ZNF536: variants seen among roughly 807,000 people sequenced by gnomAD.
ZNF536 encodes the protein zinc finger protein 536.
In ZNF536, 13 loss-of-function variants were observed where a neutral mutation model predicts 84.5. The observed-to-expected ratio is 0.15, with a 90% CI of 0.10 to 0.24. ZNF536 has a LOEUF of 0.24. Ranked by LOEUF, ZNF536 falls within the 10% of genes least tolerant of loss-of-function variation. The probability of loss-of-function intolerance (pLI) is 1.00; values close to 1 mark genes in which losing one functional copy is unlikely to be tolerated. For synonymous variants in ZNF536, 811 were observed against 742.5 expected (o/e 1.09, Z -1.50); for missense variants, 1,536 against 1,747.5 (o/e 0.88, Z 2.16).
At chr19:30,648,684 G>T (rs978341390) in intron 1 of ZNF536, among the ~76,000 whole-genome samples, 4 of 152,182 alleles carry the variant, frequency 2.6e-5, no homozygotes, top group African/African-American at 4.8e-5. Flanking sequence ...ATAGAAGTGC[G>T]TGAAATTTGC....
chr19:30,371,366 T>A (rs779686889), upstream of ZNF536, among the ~76,000 whole-genome samples: 2 of 152,150 alleles, frequency 1.3e-5, no homozygotes, highest in Non-Finnish European at 2.9e-5. Context: ...GTATGTTAAT[T>A]AGCATTCTGT....
At chr19:30,408,228 T>C (rs1029744140) in intron 1 of ZNF536, among the ~76,000 whole-genome samples, 1 of 152,234 alleles carries the variant, frequency 6.6e-6, no homozygotes, top group South Asian at 2.1e-4. Flanking sequence ...CAGGCCATTA[T>C]AGACCATGGG....
intron 1 of ZNF536, among the ~76,000 whole-genome samples, chr19:30,619,443 A>G (rs891320652): frequency 3.3e-5 from 5 of 152,184 alleles, no homozygotes; most frequent in African/African-American, 1.2e-4. Flanking sequence ...CAGCAGACCA[A>G]GGTCCTCAAA....
intron 2 of ZNF536, among the ~76,000 whole-genome samples, chr19:30,326,476 C>T (rs780303827): frequency 5.9e-5 from 9 of 152,162 alleles, no homozygotes; most frequent in Non-Finnish European, 1.0e-4. Flanking sequence ...AACAAGTGTC[C>T]TCCAGGCAGC....
intron 2 of ZNF536, among the ~76,000 whole-genome samples, chr19:30,505,552 C>T (rs2055141404): frequency 6.6e-6 from 1 of 151,054 alleles, no homozygotes; most frequent in African/African-American, 2.4e-5. Context: ...TTCACTGAGA[C>T]TCAGTTTATA....
intron 1 of ZNF536, among the ~76,000 whole-genome samples, chr19:30,406,934 TC>T (rs2050283955): frequency 6.6e-6 from 1 of 152,328 alleles, no homozygotes; most frequent in Non-Finnish European, 1.5e-5. Flanking sequence ...ACAGAGGGCA[TC>T]CCCAACCTCT....
At chr19:30,302,690 A>G (rs556335904) in intron 2 of ZNF536, among the ~76,000 whole-genome samples, 23 of 151,756 alleles carry the variant, frequency 1.5e-4, no homozygotes, top group South Asian at 4.2e-4. Flanking sequence ...GGTCTCACGG[A>G]CTCCAGACAC....
At position 30,694,282 on chromosome 19, in the gene ZNF536, G is replaced by A. The variant is rs190669472; in HGVS notation, c.170-16475G>A. Among the ~76,000 whole-genome samples, 114 of 152,284 alleles carry A rather than the reference G, an allele frequency of 7.5e-4. 3 individuals are homozygous for A. The South Asian group carries it at 0.021, about 28-fold the overall frequency. On this transcript the variant is annotated intron_variant, in intron 1 of 1. Coordinates refer to the ZNF536 transcript ENST00000592773. The stretch of plus-strand genomic sequence containing the variant: ...AAGGGCTGATGTGTTCATTTTAAGC[G>A]ACACAATGGAAAACAGGAAGTGATT...
At chr19:30,487,573 C>T (rs2054349566) in intron 2 of ZNF536, among the ~76,000 whole-genome samples, 1 of 151,814 alleles carries the variant, frequency 6.6e-6, no homozygotes, top group Admixed American at 6.6e-5. Flanking sequence ...TTTCTTTTGT[C>T]CATATGTTTT....
chr19:30,623,956 G>A (rs190622261), intron 1 of ZNF536, among the ~76,000 whole-genome samples: 1 of 152,348 alleles, frequency 6.6e-6, no homozygotes, highest in East Asian at 1.9e-4. Context: ...TCATGGGTTA[G>A]AGAAGTGGTG....
chr19:30,572,249 T>C (rs1164511350), intron 1 of ZNF536, among the ~76,000 whole-genome samples: 1 of 152,246 alleles, frequency 6.6e-6, no homozygotes, highest in African/African-American at 2.4e-5. Flanking sequence ...GGTGTCTGTG[T>C]GCTGCGTCTC....
chr19:30,393,965 CAT>C (rs762273755), intron 1 of ZNF536, among the ~76,000 whole-genome samples: 1 of 152,116 alleles, frequency 6.6e-6, no homozygotes, highest in African/African-American at 2.4e-5. Context: ...AGATGTGAAA[CAT>C]GTGTGGGAAG....
intron 2 of ZNF536, among the ~76,000 whole-genome samples, chr19:30,481,127 A>C (rs2054069485): frequency 6.6e-6 from 1 of 152,032 alleles, no homozygotes; most frequent in Admixed American, 6.6e-5. Flanking sequence ...GATCATTTCA[A>C]GTCCCAGTCA....
chr19:30,372,114 C>T (rs1425657641), upstream of ZNF536, among the ~76,000 whole-genome samples: 1 of 152,186 alleles, frequency 6.6e-6, no homozygotes, highest in Non-Finnish European at 1.5e-5. Flanking sequence ...TGGCTCTTCC[C>T]ATTTCAGAGC....
intron 1 of ZNF536, among the ~76,000 whole-genome samples, chr19:30,698,731 T>G (rs1020772694): frequency 2.6e-5 from 4 of 152,234 alleles, no homozygotes; most frequent in South Asian, 2.1e-4. Context: ...GACCTTGGTC[T>G]GCTGGCTGAG....
chr19:30,295,682 C>T (rs1438323102), intron 2 of ZNF536, among the ~76,000 whole-genome samples: 1 of 152,120 alleles, frequency 6.6e-6, no homozygotes, highest in African/African-American at 2.4e-5. Flanking sequence ...GGGGTCATTC[C>T]GTGCACATCT....
chr19:30,252,074 C>T (rs969778296), intron 1 of ZNF536, among the ~76,000 whole-genome samples: 1 of 152,122 alleles, frequency 6.6e-6, no homozygotes, highest in African/African-American at 2.4e-5. Flanking sequence ...CCAGAATCTA[C>T]AATGAACTCA....
chr19:30,711,739 C>G (rs2052460519), exon 2 of ZNF536: 1 of 151,620 alleles, frequency 6.6e-6, no homozygotes, highest in Non-Finnish European at 1.5e-5. Context: ...TCAAATTGTT[C>G]TCGGTAGCCT....
chr19:30,625,862 C>T (rs1267482170), intron 1 of ZNF536, among the ~76,000 whole-genome samples: 1 of 152,116 alleles, frequency 6.6e-6, no homozygotes, highest in African/African-American at 2.4e-5. Context: ...TGAGAAAGGC[C>T]TCTTGACCTA....
Sources: allele counts gnomAD v4.1 joint callset (sites outside exome capture counted in the v4.1 genomes callset), GRCh38; gene constraint gnomAD v4.1.1; transcripts MANE v1.5; gene names NCBI Gene and HGNC (gene_info 2026-07-23, HGNC 2026-07-21).